SGCZ: variants seen among roughly 807,000 people sequenced by gnomAD.
SGCZ encodes the protein zeta-sarcoglycan.
A neutral mutation model predicts 41.3 loss-of-function variants in SGCZ; 40 were observed. That is an observed-to-expected ratio of 0.97 (90% CI 0.75 to 1.26). SGCZ has a LOEUF of 1.26. Among genes scored for constraint, SGCZ ranks in the 50% most tolerant of loss-of-function variants. The pLI, the probability that SGCZ is intolerant of heterozygous loss-of-function variation, is 0.00. For synonymous variants in SGCZ, 206 were observed against 137.5 expected, an observed-to-expected ratio of 1.50 and a Z score of -3.49; for missense variants, 552 against 369.8, an observed-to-expected ratio of 1.49 and a Z score of -4.04.
chr8:14,780,505 G>C (rs533131882), intron 1 of SGCZ, among the ~76,000 whole-genome samples: 2 of 151,750 alleles, frequency 1.3e-5, no homozygotes, highest in African/African-American at 4.8e-5. Context: ...TCCTTCCCTT[G>C]TATCTACTAG....
At chr8:15,013,270 T>C (rs1802904705) in intron 1 of SGCZ, among the ~76,000 whole-genome samples, 1 of 152,218 alleles carries the variant, frequency 6.6e-6, no homozygotes. Context: ...ATAAAATTCT[T>C]GCTATGAACC....
intron 2 of SGCZ, among the ~76,000 whole-genome samples, chr8:14,372,070 A>G (rs1312825745): frequency 6.6e-6 from 1 of 152,148 alleles, no homozygotes; most frequent in Non-Finnish European, 1.5e-5. Flanking sequence ...GAGAAAATTA[A>G]TGGAAATGGA....
chr8:14,461,122 G>T (rs946797502), intron 2 of SGCZ, among the ~76,000 whole-genome samples: 3 of 152,042 alleles, frequency 2.0e-5, no homozygotes, highest in Admixed American at 6.6e-5. Context: ...ATCCAATCAG[G>T]TTCCTTCGCA....
At chr8:14,592,861 A>G (rs1193693784) in intron 1 of SGCZ, among the ~76,000 whole-genome samples, 1 of 152,168 alleles carries the variant, frequency 6.6e-6, no homozygotes, top group Non-Finnish European at 1.5e-5. Flanking sequence ...AAGACAAACA[A>G]TTACAGTACA....
intron 1 of SGCZ, among the ~76,000 whole-genome samples, chr8:15,220,680 T>C (rs554074009): frequency 3.3e-5 from 5 of 152,266 alleles, no homozygotes; most frequent in South Asian, 2.1e-4. Flanking sequence ...CCCAAAGGAT[T>C]ATAAATCATT....
intron 1 of SGCZ, among the ~76,000 whole-genome samples, chr8:14,699,549 C>T (rs887809149): frequency 1.3e-5 from 2 of 151,728 alleles, no homozygotes; most frequent in Admixed American, 1.3e-4. Context: ...TTCTGGACAT[C>T]GACCTTGGCA....
chr8:14,526,789 A>G (rs1286549796), intron 2 of SGCZ, among the ~76,000 whole-genome samples: 3 of 152,078 alleles, frequency 2.0e-5, no homozygotes, highest in Admixed American at 6.6e-5. Flanking sequence ...TTCTCTACTT[A>G]TCCTGAAACA....
chr8:14,745,030 T>C (rs549849965), intron 1 of SGCZ, among the ~76,000 whole-genome samples: 1 of 152,210 alleles, frequency 6.6e-6, no homozygotes, highest in Non-Finnish European at 1.5e-5. Context: ...TTTCAAAGAC[T>C]GGATATTTAC....
At chr8:14,714,352 G>C (rs951811833) in intron 1 of SGCZ, among the ~76,000 whole-genome samples, 2 of 152,130 alleles carry the variant, frequency 1.3e-5, no homozygotes, top group Non-Finnish European at 2.9e-5. Flanking sequence ...CAGTATCATA[G>C]TACAACTCAA....
chr8:15,025,570 C>T (rs1341102241), intron 1 of SGCZ, among the ~76,000 whole-genome samples: 1 of 152,164 alleles, frequency 6.6e-6, no homozygotes, highest in African/African-American at 2.4e-5. Flanking sequence ...AGTTTGAAAT[C>T]CCATTCTCCT....
intron 2 of SGCZ, among the ~76,000 whole-genome samples, chr8:14,349,791 A>G (rs1803020565): frequency 1.3e-5 from 2 of 152,250 alleles, no homozygotes; most frequent in Middle Eastern, 3.4e-3. Context: ...ACTATGTCTC[A>G]AAGTGTATCT....
At chr8:14,641,707 C>T (rs971941383) in intron 1 of SGCZ, among the ~76,000 whole-genome samples, 1 of 151,564 alleles carries the variant, frequency 6.6e-6, no homozygotes, top group African/African-American at 2.4e-5. Flanking sequence ...GAGTTTATTG[C>T]TACAATAATC....
intron 5 of SGCZ, 120 bp downstream of exon 5, chr8:14,164,457 CGTT>C (rs1563162218): frequency 5.1e-6 from 6 of 1,186,238 alleles, no homozygotes; most frequent in Admixed American, 2.4e-5. Flanking sequence ...GAAGAACAAA[CGTT>C]GTGATTATGT....
intron 1 of SGCZ, among the ~76,000 whole-genome samples, chr8:14,756,856 G>C (rs570370924): frequency 6.6e-6 from 1 of 152,098 alleles, no homozygotes; most frequent in African/African-American, 2.4e-5. Context: ...GTTATGAAAA[G>C]CCAACAGTAA....
chr8:14,371,040 T>C (rs1318664122), intron 2 of SGCZ, among the ~76,000 whole-genome samples: 1 of 152,016 alleles, frequency 6.6e-6, no homozygotes, highest in Non-Finnish European at 1.5e-5. Flanking sequence ...TGCATAATTT[T>C]TACCCTATAA....
chr8:14,399,223 C>A (rs759339755), intron 2 of SGCZ, among the ~76,000 whole-genome samples: 8 of 152,062 alleles, frequency 5.3e-5, no homozygotes, highest in Non-Finnish European at 1.2e-4. Flanking sequence ...TCCTTGGAGT[C>A]CTTTTTATTG....
intron 5 of SGCZ, among the ~76,000 whole-genome samples, chr8:14,141,898 C>G (rs1197762557): frequency 6.6e-6 from 1 of 152,050 alleles, no homozygotes; most frequent in Non-Finnish European, 1.5e-5. Context: ...TCACAATAGC[C>G]AAGACTTGGA....
At chr8:14,611,190 G>C (rs919013276) in intron 1 of SGCZ, among the ~76,000 whole-genome samples, 3 of 151,870 alleles carry the variant, frequency 2.0e-5, no homozygotes, top group Admixed American at 6.6e-5. Context: ...TACTTACTTT[G>C]CTCTTCCTCA....
At chr8:14,773,453 T>C (rs1800309504) in intron 1 of SGCZ, among the ~76,000 whole-genome samples, 1 of 152,172 alleles carries the variant, frequency 6.6e-6, no homozygotes, top group Admixed American at 6.6e-5. Flanking sequence ...AGATTATTAA[T>C]ACCATTACGT....
Sources: allele counts gnomAD v4.1 joint callset (sites outside exome capture counted in the v4.1 genomes callset), GRCh38; gene constraint gnomAD v4.1.1; transcripts MANE v1.5; gene names NCBI Gene and HGNC (gene_info 2026-07-23, HGNC 2026-07-21).